NAALADL2: variants seen among roughly 807,000 people sequenced by gnomAD.
The protein encoded by NAALADL2 is inactive N-acetylated-alpha-linked acidic dipeptidase-like protein 2.
In NAALADL2, 76 loss-of-function variants were observed where a neutral mutation model predicts 87.2. That is an observed-to-expected ratio of 0.87 (90% CI 0.72 to 1.05). The LOEUF (loss-of-function observed/expected upper bound fraction) is 1.05. NAALADL2 is among the 50% of genes least tolerant of loss of function. The probability of loss-of-function intolerance (pLI) is 0.00; values close to 1 mark genes in which losing one functional copy is unlikely to be tolerated. For synonymous variants in NAALADL2, 354 were observed against 331.0 expected (o/e 1.07, Z -0.75); for missense variants, 1,089 against 945.8 (o/e 1.15, Z -1.99).
At chr3:175,753,263 G>A (rs1368999823) in intron 12 of NAALADL2, among the ~76,000 whole-genome samples, 1 of 152,038 alleles carries the variant, frequency 6.6e-6, no homozygotes, top group Admixed American at 6.6e-5. Flanking sequence ...ACTAGATTGT[G>A]GGATATTGAA....
intron 9 of NAALADL2, among the ~76,000 whole-genome samples, chr3:175,486,985 C>T (rs1727369339): frequency 6.6e-6 from 1 of 152,122 alleles, no homozygotes; most frequent in South Asian, 2.1e-4. Context: ...TCCCCTTTGC[C>T]CCATACAACC....
intron 1 of NAALADL2, among the ~76,000 whole-genome samples, chr3:174,939,129 T>C (rs1160112946): frequency 6.6e-6 from 1 of 152,168 alleles, no homozygotes; most frequent in Non-Finnish European, 1.5e-5. Flanking sequence ...TCCAGGGTTT[T>C]TATAGTTTGG....
intron 2 of NAALADL2, among the ~76,000 whole-genome samples, chr3:174,646,613 C>CAG (rs35512109): frequency 0.6 from 91,799 of 151,736 alleles, 28,676 homozygotes; most frequent in African/African-American, 0.65. Flanking sequence ...CTTTAGATAA[C>CAG]AGTGATATTT....
chr3:174,514,189 G>C (rs1014484865), intron 1 of NAALADL2, among the ~76,000 whole-genome samples: 4 of 151,944 alleles, frequency 2.6e-5, no homozygotes, highest in Admixed American at 2.6e-4. Flanking sequence ...CAGTACCTTT[G>C]TAAAAATGAT....
intron 1 of NAALADL2, among the ~76,000 whole-genome samples, chr3:174,495,246 AGCTT>A: frequency 7.1e-6 from 1 of 141,378 alleles, no homozygotes; most frequent in Non-Finnish European, 1.5e-5. Flanking sequence ...GCTTAAGGAA[AGCTT>A]ATATTAACAA....
intron 9 of NAALADL2, among the ~76,000 whole-genome samples, chr3:175,542,099 G>A (rs1017758819): frequency 2.0e-5 from 3 of 152,268 alleles, no homozygotes; most frequent in African/African-American, 7.2e-5. Context: ...GAACAATAGA[G>A]GGGAGAAGAG....
chr3:175,299,079 G>A (rs142833006), intron 4 of NAALADL2, among the ~76,000 whole-genome samples: 1 of 152,280 alleles, frequency 6.6e-6, no homozygotes, highest in East Asian at 1.9e-4. Flanking sequence ...TCAAATGGTT[G>A]TAGATGTGGT....
intron 1 of NAALADL2, among the ~76,000 whole-genome samples, chr3:174,901,747 G>GTGTACTT (rs1422444913): frequency 6.6e-6 from 1 of 152,114 alleles, no homozygotes; most frequent in Non-Finnish European, 1.5e-5. Context: ...GGGTGATTTG[G>GTGTACTT]TGTACTTAGA....
rs181315691 is a variant in NAALADL2, at chr3:175,539,606, A to G, written c.1654-36435A>G. On this transcript the variant is annotated intron_variant, in intron 9 of 13. Transcript: ENST00000454872. ...TTATTTTGTCACCCAGGTACTAAGC[A>G]TAGTACCACAGTTGTTGTCGTTGTT... Among the ~76,000 whole-genome samples the G allele has an allele frequency of 5.2e-4, 34 of 65,688 alleles. No homozygotes were observed. The East Asian group carries it at 0.012, about 23-fold the overall frequency. 43.1% of individuals were successfully genotyped at this position (65,688 alleles called of 152,430 possible). A position where few individuals can be genotyped will look rare whatever the true frequency, so the allele number is the denominator to read the frequency against.
At chr3:174,733,634 A>G (rs1268102368) in intron 2 of NAALADL2, among the ~76,000 whole-genome samples, 1 of 152,210 alleles carries the variant, frequency 6.6e-6, no homozygotes, top group Non-Finnish European at 1.5e-5. Context: ...CCGAAACACC[A>G]GGGGTTCAGT....
intron 6 of NAALADL2, among the ~76,000 whole-genome samples, chr3:175,453,982 T>C (rs1043373920): frequency 6.6e-6 from 1 of 152,142 alleles, no homozygotes; most frequent in Non-Finnish European, 1.5e-5. Flanking sequence ...ACATTCCTTA[T>C]GTGTAGTAAT....
chr3:175,512,715 CAG>C lies in NAALADL2; in HGVS notation c.1653+40958_1653+40959del, dbSNP rs1731325990. The stretch of plus-strand genomic sequence containing the variant: ...TATACAATTTTCTTGAGAAGACCAG[CAG>C]TCTTCCAAATGAGATATTATCTGCT... On this transcript the variant is annotated intron_variant, in intron 9 of 13. Transcript: ENST00000454872. Among the ~76,000 whole-genome samples, 6 of 152,146 alleles carry C rather than the reference CAG, an allele frequency of 3.9e-5. 1 individual carries two copies. Among genetic ancestry groups the C allele is most frequent in the Admixed American group, 3.9e-4 (6 of 15,262 alleles).
At chr3:175,537,168 T>C (rs1407268923) in intron 9 of NAALADL2, among the ~76,000 whole-genome samples, 1 of 152,210 alleles carries the variant, frequency 6.6e-6, no homozygotes, top group Non-Finnish European at 1.5e-5. Context: ...TTCAAGGATA[T>C]AAAGGTTGTT....
At chr3:175,302,423 T>C (rs1757194724) in intron 4 of NAALADL2, among the ~76,000 whole-genome samples, 1 of 152,204 alleles carries the variant, frequency 6.6e-6, no homozygotes, top group Non-Finnish European at 1.5e-5. Flanking sequence ...TTATGATTCA[T>C]CTGGCACTCT....
intron 2 of NAALADL2, among the ~76,000 whole-genome samples, chr3:175,160,360 CTTTTTTT>C (rs71164618): frequency 0.011 from 641 of 56,926 alleles, 1 homozygote; most frequent in African/African-American, 0.03. Context: ...TCTTTTCTTT[CTTTTTTT>C]TTTTTTTTTT....
chr3:174,710,262 G>GT (rs533216185), intron 2 of NAALADL2, among the ~76,000 whole-genome samples: 12,775 of 107,976 alleles, frequency 0.12, 624 homozygotes, highest in Middle Eastern at 0.16. Context: ...TTTTCTTTTT[G>GT]TTTTTTTTTT....
intron 3 of NAALADL2, among the ~76,000 whole-genome samples, chr3:174,821,578 C>T (rs976525129): frequency 2.2e-4 from 33 of 152,272 alleles, no homozygotes; most frequent in African/African-American, 7.9e-4. Context: ...AAATGAACCA[C>T]TAGTCACTGA....
At chr3:174,541,688 C>G (rs530190470) in intron 1 of NAALADL2, among the ~76,000 whole-genome samples, 1 of 152,136 alleles carries the variant, frequency 6.6e-6, no homozygotes, top group Non-Finnish European at 1.5e-5. Flanking sequence ...TCTTCCTACA[C>G]AACTCTTTCC....
chr3:175,363,243 A>T lies in NAALADL2; in HGVS notation c.1090+38918A>T, dbSNP rs1434706501. 1.4e-5 allele frequency among the ~76,000 whole-genome samples: 2 copies of T among 147,316 alleles called. 1 individual carries two copies. Among genetic ancestry groups the T allele is most frequent in the East Asian group, 4.0e-4 (2 of 4,970 alleles). On this transcript the variant is annotated intron_variant, in intron 5 of 13. Coordinates refer to ENST00000454872, the MANE Select transcript of NAALADL2 (RefSeq NM_207015.3). ...AACACTGTCTTGCTTAATGGATATA[A>T]AATTTTTCACAATATTAATTATAAG... is the stretch of plus-strand genomic sequence containing the variant.
Sources: allele counts gnomAD v4.1 joint callset (sites outside exome capture counted in the v4.1 genomes callset), GRCh38; gene constraint gnomAD v4.1.1; transcripts MANE v1.5; gene names NCBI Gene and HGNC (gene_info 2026-07-23, HGNC 2026-07-21).